Variants in NQO1 observed in about 807,000 individuals in gnomAD.
NQO1 encodes NAD(P)H dehydrogenase [quinone] 1.
A neutral mutation model predicts 32.1 loss-of-function variants in NQO1; 30 were observed. That is an observed-to-expected ratio of 0.94 (90% CI 0.70 to 1.27). The LOEUF (loss-of-function observed/expected upper bound fraction) is 1.27, where lower values mean the gene tolerates loss of function less well. Ranked by LOEUF, NQO1 falls within the 50% of genes most tolerant of loss-of-function variation. The pLI is 0.00. For synonymous variants in NQO1, 109 were observed against 119.7 expected (o/e 0.91, Z 0.59); for missense variants, 276 against 331.3 (o/e 0.83, Z 1.30).
chr16:69,722,513 T>A (rs1206686879), intron 1 of NQO1, among the ~76,000 whole-genome samples: 2 of 152,198 alleles, frequency 1.3e-5, no homozygotes, highest in African/African-American at 4.8e-5. Context: ...CTAAAATAAC[T>A]AGAAAGGCAC....
intron 5 of NQO1, among the ~76,000 whole-genome samples, chr16:69,712,272 T>A (rs539906621): frequency 6.8e-6 from 1 of 146,334 alleles, no homozygotes; most frequent in Non-Finnish European, 1.5e-5. Flanking sequence ...AGAGATGAGG[T>A]CTTATATGTT....
chr16:69,713,023 G>A lies in NQO1; in HGVS notation c.519+5C>T, dbSNP rs747753389. On this transcript the variant is annotated splice_donor_5th_base_variant and intron_variant, in intron 5 of 5. Transcript: ENST00000320623. ...AAAAAAAGAAAAGAAAAGAAAATGAGGTACCTGAATTGGCCAGAGAATGAC... is the reference window on the plus strand; with the variant it reads ...AAAAAAAGAAAAGAAAAGAAAATGAAGTACCTGAATTGGCCAGAGAATGAC... 3 of 1,608,876 alleles carry A rather than the reference G, an allele frequency of 1.9e-6. No individual in the cohort carries two copies. In the South Asian group the frequency reaches 3.3e-5, roughly 18 times the overall value.
chr16:69,717,132 C>T (rs904981147), intron 3 of NQO1, among the ~76,000 whole-genome samples: 8 of 151,848 alleles, frequency 5.3e-5, no homozygotes, highest in African/African-American at 1.7e-4. Context: ...CTGTACCACC[C>T]TCCTCGTGGT....
In NQO1 at chr16:69,711,224, T is replaced by C; in HGVS notation, c.577A>G (p.Ile193Val). The C allele has an allele frequency of 6.2e-7, 1 of 1,614,038 alleles. No individual in the cohort carries two copies. Among genetic ancestry groups the C allele is most frequent in the Non-Finnish European group, 8.5e-7 (1 of 1,179,932 alleles). Reference protein sequence around the residue: ...QVLEPQLTYSIGHTPADARIQ... With the variant: ...QVLEPQLTYSVGHTPADARIQ... ...CGGGCGTCTGCTGGAGTGTGCCCAATGCTATATGTCAGTTGAGGTTCTAAG... is the reference window on the plus strand; with the variant it reads ...CGGGCGTCTGCTGGAGTGTGCCCAACGCTATATGTCAGTTGAGGTTCTAAG... The change falls in exon 6 of 6, where the codon ATT becomes GTT. Residue 193 changes from isoleucine to valine, a missense_variant. Coordinates refer to ENST00000320623, the MANE Select transcript of NQO1 (RefSeq NM_000903.3).
chr16:69,715,286 A>T (rs2038098921), intron 3 of NQO1, among the ~76,000 whole-genome samples: 1 of 152,258 alleles, frequency 6.6e-6, no homozygotes, highest in African/African-American at 2.4e-5. Context: ...TTTCCCTGAA[A>T]ATGCAAATAT....
intron 4 of NQO1, among the ~76,000 whole-genome samples, chr16:69,713,548 C>A (rs45538135): frequency 0.018 from 2,684 of 152,206 alleles, 82 homozygotes; most frequent in African/African-American, 0.057. Context: ...TGAAGACAGG[C>A]CTTCTTTTGT....
chr16:69,718,548 C>T lies in NQO1; in HGVS notation c.8-14G>A. ...GTGCTCTTCTGCCTACAGAGACACA[C>T]ACAAAGCACACACGGAAAACCCATT... is the stretch of plus-strand genomic sequence containing the variant. On this transcript the variant is annotated splice_polypyrimidine_tract_variant and intron_variant, in intron 1 of 5. Transcript: ENST00000320623. 1 of 1,612,112 alleles carries T rather than the reference C, an allele frequency of 6.2e-7. No homozygotes were observed. The highest frequency in any genetic ancestry group is 8.5e-7 in the Non-Finnish European group (1 of 1,179,338).
Position 69,713,042 on chromosome 16 carries a change from G to C in NQO1, c.505C>G (p.Leu169Val), listed in dbSNP as rs764436531. Residue 169 changes from leucine (L) to valine (V), a missense_variant, in exon 5 of 6, where the codon CTC (leucine) becomes GTC (valine). Physicochemically the swap from Leu to Val is conservative, Grantham distance 32. Transcript: ENST00000320623. ...QGIHGDMNVI[L>V]WPIQSGILHF... ...AAATGAGGTACCTGAATTGGCCAGAGAATGACATTCATGTCCCCGTGGATC... is the reference window on the plus strand; with the variant it reads ...AAATGAGGTACCTGAATTGGCCAGACAATGACATTCATGTCCCCGTGGATC... 57 of 1,613,488 alleles carry C rather than the reference G, an allele frequency of 3.5e-5. No individual in the cohort carries two copies. Among genetic ancestry groups the C allele is most frequent in the Non-Finnish European group, 4.8e-5 (57 of 1,179,632 alleles).
chr16:69,725,333 G>C (rs1171652018), intron 1 of NQO1, among the ~76,000 whole-genome samples: 3 of 152,204 alleles, frequency 2.0e-5, no homozygotes, highest in Non-Finnish European at 4.4e-5. Flanking sequence ...TTCTGCCCCA[G>C]ATGAGGCAAC....
chr16:69,713,322 C>A (rs7194699), intron 4 of NQO1, among the ~76,000 whole-genome samples, 193 bp from the exon 5 acceptor site: 4 of 152,238 alleles, frequency 2.6e-5, no homozygotes, highest in South Asian at 4.1e-4. Context: ...GTCTACAGAC[C>A]GGTGGCCTGG....
chr16:69,712,314 G>A (rs1233253243), intron 5 of NQO1, among the ~76,000 whole-genome samples: 1 of 151,812 alleles, frequency 6.6e-6, no homozygotes, highest in Admixed American at 6.6e-5. Flanking sequence ...CTGGGCTCAA[G>A]CGATCCTTCT....
rs1476271766 is a variant in NQO1, at chr16:69,714,967, G to T, written c.414C>A (p.Phe138Leu). ...GCATTCAGAACCATCCACCTACCCG[G>T]AAGGGTCCTTTGTCATACATGGCAG... ...TYAAMYDKGP[F>L]RSKKAVLSIT... The change falls in exon 4 of 6, where the codon TTC becomes TTA. Residue 138 changes from phenylalanine to leucine, a missense_variant. Coordinates refer to ENST00000320623, the MANE Select transcript of NQO1 (RefSeq NM_000903.3). 1 of 1,610,098 alleles carries T rather than the reference G, an allele frequency of 6.2e-7. No homozygotes were observed. Among genetic ancestry groups the T allele is most frequent in the African/African-American group, 1.3e-5 (1 of 74,802 alleles).
At position 69,724,068 on chromosome 16, in the gene NQO1, C is replaced by T. The variant is rs540682085; in HGVS notation, c.7+2365G>A. On this transcript the variant is annotated intron_variant, in intron 1 of 5. Coordinates refer to ENST00000320623, the MANE Select transcript of NQO1 (RefSeq NM_000903.3). ...GTGGCTCATGCCTGTAATCGTAGCA[C>T]TTTGGGAGACCGAGGCGGGTGGATT... is the stretch of plus-strand genomic sequence containing the variant. Among the ~76,000 whole-genome samples, 44 of 151,650 alleles carry T rather than the reference C, an allele frequency of 2.9e-4. No homozygotes were observed. In the South Asian group the frequency reaches 4.4e-3, roughly 15 times the overall value.
In NQO1 at chr16:69,709,645, C is replaced by G; in HGVS notation, c.*1331G>C. ...AAGAGGCTGTCTCCCATTTTTCAGG[C>G]AACCTTTTCATCATTTCTCATCTCT... On this transcript the variant is annotated 3_prime_UTR_variant, in exon 6 of 6. Coordinates refer to ENST00000320623, the MANE Select transcript of NQO1 (RefSeq NM_000903.3). 1 of 395,734 alleles carries G rather than the reference C, an allele frequency of 2.5e-6. No homozygotes were observed. The highest frequency in any genetic ancestry group is 3.6e-5 in the East Asian group (1 of 27,924). 24.5% of individuals were successfully genotyped at this position (395,734 alleles called of 1,614,324 possible). A position where few individuals can be genotyped will look rare whatever the true frequency, so the allele number is the denominator to read the frequency against.
rs2038011241 is a variant in NQO1, at chr16:69,709,687, A to C, written c.*1289T>G. The stretch of plus-strand genomic sequence containing the variant: ...CTCATCTCTTCTTTCAATGCACCAC[A>C]AGAGGGCAGTGTTTTATCATATTCT... On this transcript the variant is annotated 3_prime_UTR_variant, in exon 6 of 6. Transcript: ENST00000320623. 1.0e-5 allele frequency: 4 copies of C among 397,702 alleles called. No homozygotes were observed. The highest frequency in any genetic ancestry group is 1.8e-5 in the Non-Finnish European group (4 of 225,668). 24.6% of individuals were successfully genotyped at this position (397,702 alleles called of 1,614,324 possible). A position where few individuals can be genotyped will look rare whatever the true frequency, so the allele number is the denominator to read the frequency against.
rs2038031048 is a variant in NQO1, at chr16:69,711,021, C to A, written c.780G>T (p.Leu260Phe). 1 of 1,614,114 alleles carries A rather than the reference C, an allele frequency of 6.2e-7. No individual in the cohort carries two copies. The highest frequency in any genetic ancestry group is 8.5e-7 in the Non-Finnish European group (1 of 1,180,012). Residue 260 changes from leucine to phenylalanine, a missense_variant, in exon 6 of 6, where the codon TTG becomes TTT. Coordinates refer to ENST00000320623, the MANE Select transcript of NQO1 (RefSeq NM_000903.3). Reference sequence around the variant, plus strand: ...GGTTGTCAGTTGGGATGGACTTGCCCAAGTGATGGCCCACAGAAAGGCCAA... The same window carrying A: ...GGTTGTCAGTTGGGATGGACTTGCCAAAGTGATGGCCCACAGAAAGGCCAA... ...KKFGLSVGHH[L>F]GKSIPTDNQI... is the part of the protein sequence containing the mutation.
In NQO1 at chr16:69,718,550, C is replaced by A; in HGVS notation, c.8-16G>T. On this transcript the variant is annotated splice_polypyrimidine_tract_variant and intron_variant, in intron 1 of 5. Coordinates refer to ENST00000320623, the MANE Select transcript of NQO1 (RefSeq NM_000903.3). ...GCTCTTCTGCCTACAGAGACACACA[C>A]AAAGCACACACGGAAAACCCATTAC... 6.2e-7 allele frequency: 1 copy of A among 1,612,154 alleles called. No individual in the cohort carries two copies.
chr16:69,726,366 A>C, intron 1 of NQO1, 67 bp downstream of exon 1: 1 of 1,598,582 alleles, frequency 6.3e-7, no homozygotes, highest in South Asian at 1.1e-5. Context: ...AAGCCCCTAC[A>C]ACCTCCTCCA....
chr16:69,714,360 G>T (rs112933032), intron 4 of NQO1, among the ~76,000 whole-genome samples: 1 of 149,248 alleles, frequency 6.7e-6, no homozygotes, highest in Non-Finnish European at 1.5e-5. Flanking sequence ...TGGTAGAGAC[G>T]GGGTTTCGCC....
Sources: gnomAD v4.1 joint callset for allele counts (sites outside exome capture counted in the v4.1 genomes callset) on GRCh38, gnomAD v4.1.1 for gene constraint, MANE v1.5 for transcripts, NCBI Gene and HGNC (gene_info 2026-07-23, HGNC 2026-07-21) for gene names.